Variants in BABAM2 observed in about 807,000 individuals in gnomAD.
The protein encoded by BABAM2 is BRISC and BRCA1 A complex member 2, also known as BRISC and BRCA1-A complex member 2.
BABAM2 carries 31 observed loss-of-function variants against 54.7 expected under a neutral mutation model. That is an observed-to-expected ratio of 0.57 (90% CI 0.43 to 0.77). The LOEUF (loss-of-function observed/expected upper bound fraction) is 0.77. BABAM2 is among the 30% of genes least tolerant of loss of function. The pLI is 0.00. For missense variants in BABAM2, 364 were observed against 455.8 expected, an observed-to-expected ratio of 0.80 and a Z score of 1.83; for synonymous variants, 167 against 162.9, an observed-to-expected ratio of 1.03 and a Z score of -0.19.
intron 10 of BABAM2, among the ~76,000 whole-genome samples, chr2:28,260,069 T>C (rs1056228632): frequency 1.3e-5 from 2 of 151,884 alleles, no homozygotes; most frequent in Non-Finnish European, 2.9e-5. Flanking sequence ...CCTGGCTAAT[T>C]TTTGTATTTT....
chr2:28,188,178 G>T (rs1280191952), intron 7 of BABAM2, among the ~76,000 whole-genome samples: 1 of 152,018 alleles, frequency 6.6e-6, no homozygotes, highest in East Asian at 1.9e-4. Flanking sequence ...GCTCTAGAAG[G>T]CTCCCATGCC....
intron 6 of BABAM2, among the ~76,000 whole-genome samples, chr2:28,117,748 G>A (rs1364767743): frequency 6.6e-6 from 1 of 152,182 alleles, no homozygotes. Context: ...CCAGGTATTA[G>A]GACAGGAAGC....
intron 7 of BABAM2, among the ~76,000 whole-genome samples, chr2:28,216,220 A>G (rs1052175781): frequency 6.6e-6 from 1 of 152,138 alleles, no homozygotes; most frequent in East Asian, 1.9e-4. Context: ...CTCAGTGCAA[A>G]TGTACAGTAT....
chr2:28,218,433 G>A (rs1427347536), intron 7 of BABAM2, among the ~76,000 whole-genome samples: 1 of 152,186 alleles, frequency 6.6e-6, no homozygotes, highest in Admixed American at 6.5e-5. Flanking sequence ...ATCCGGAACA[G>A]TTTCTTAATC....
chr2:28,225,355 C>A (rs1266254249), intron 7 of BABAM2, among the ~76,000 whole-genome samples: 1 of 152,180 alleles, frequency 6.6e-6, no homozygotes, highest in Non-Finnish European at 1.5e-5. Context: ...ACGGTTAACA[C>A]CAGCCAGCCC....
chr2:28,279,276 T>G (rs1411171959), intron 10 of BABAM2, among the ~76,000 whole-genome samples: 1 of 152,162 alleles, frequency 6.6e-6, no homozygotes, highest in African/African-American at 2.4e-5. Context: ...AGAGTTACCC[T>G]TGGACCTGAG....
chr2:28,086,598 A>G (rs1665661648), intron 6 of BABAM2, among the ~76,000 whole-genome samples: 3 of 152,206 alleles, frequency 2.0e-5, no homozygotes, highest in Non-Finnish European at 2.9e-5. Flanking sequence ...AGGAAGGAGA[A>G]TATTGAAATA....
At chr2:28,077,261 A>G (rs1664771104) in intron 6 of BABAM2, among the ~76,000 whole-genome samples, 1 of 152,260 alleles carries the variant, frequency 6.6e-6, no homozygotes, top group South Asian at 2.1e-4. Context: ...GCATATTTAA[A>G]TTAAGTTTTT....
chr2:28,047,809 A>G (rs898472660), intron 6 of BABAM2, among the ~76,000 whole-genome samples: 6 of 152,242 alleles, frequency 3.9e-5, no homozygotes, highest in African/African-American at 1.2e-4. Flanking sequence ...GAGTAAAACA[A>G]CAATGACCAA....
intron 6 of BABAM2, among the ~76,000 whole-genome samples, chr2:28,112,359 C>A (rs1235381466): frequency 6.6e-6 from 1 of 151,392 alleles, no homozygotes; most frequent in East Asian, 1.9e-4. Context: ...CCTCCCCTAG[C>A]CCCCTACCCC....
chr2:28,283,015 A>G (rs1686501698), intron 10 of BABAM2, among the ~76,000 whole-genome samples: 1 of 76,230 alleles, frequency 1.3e-5, no homozygotes, highest in Admixed American at 1.3e-4. Context: ...AAAAAAAAAA[A>G]AAAGGAATGA....
chr2:27,973,543 C>G (rs1436736042), intron 3 of BABAM2, among the ~76,000 whole-genome samples: 1 of 151,844 alleles, frequency 6.6e-6, no homozygotes, highest in East Asian at 1.9e-4. Context: ...GGTTTCTTCT[C>G]CAGATTGACA....
At chr2:28,173,255 T>C (rs573696746) in intron 7 of BABAM2, among the ~76,000 whole-genome samples, 251 of 152,350 alleles carry the variant, frequency 1.6e-3, no homozygotes, top group Non-Finnish European at 3.0e-3. Flanking sequence ...CATTTACTTC[T>C]GATAAGACTC....
chr2:28,303,289 A>T (rs182603487), intron 11 of BABAM2, among the ~76,000 whole-genome samples: 91 of 152,334 alleles, frequency 6.0e-4, no homozygotes, highest in African/African-American at 2.1e-3. Context: ...TGAAGAAATT[A>T]TCCTATGTTT....
intron 3 of BABAM2, among the ~76,000 whole-genome samples, chr2:27,976,072 C>T (rs982694284): frequency 1.3e-5 from 2 of 152,000 alleles, no homozygotes; most frequent in African/African-American, 4.8e-5. Context: ...AATGTTGGCA[C>T]GAATGTGTAG....
At chr2:28,084,931 T>G (rs1665509287) in intron 6 of BABAM2, among the ~76,000 whole-genome samples, 1 of 152,220 alleles carries the variant, frequency 6.6e-6, no homozygotes, top group African/African-American at 2.4e-5. Flanking sequence ...AGCGTCATTT[T>G]ACTTAGTGAA....
In BABAM2 at chr2:27,894,643, G is replaced by A. The variant is rs1337273450; in HGVS notation, c.87G>A (p.Leu29=). ...SSVVRNGKVG[L]DATNCLRITD... ...TGGTCCGGAATGGAAAAGTGGGACT[G>A]GATGCTACAAACTGTTTGAGGATAA... The change falls in exon 2 of 12, where the codon CTG becomes CTA. Residue 29 remains leucine (L), a synonymous_variant. Coordinates refer to ENST00000379624, the MANE Select transcript of BABAM2 (RefSeq NM_199191.3). 3.1e-6 allele frequency: 5 copies of A among 1,614,146 alleles called. No homozygotes were observed. Among genetic ancestry groups the A allele is most frequent in the Non-Finnish European group, 4.2e-6 (5 of 1,180,022 alleles).
intron 2 of BABAM2, among the ~76,000 whole-genome samples, chr2:27,918,015 A>C (rs1290481667): frequency 2.0e-5 from 3 of 152,228 alleles, no homozygotes; most frequent in African/African-American, 7.2e-5. Flanking sequence ...TTGTACCAAC[A>C]TGAGTATTTT....
At chr2:28,204,939 G>C (rs867157085) in intron 7 of BABAM2, among the ~76,000 whole-genome samples, 3 of 150,958 alleles carry the variant, frequency 2.0e-5, no homozygotes, top group African/African-American at 7.3e-5. Context: ...AGTTGACAGT[G>C]TCACTTTCAG....
Sources: allele counts gnomAD v4.1 joint callset (sites outside exome capture counted in the v4.1 genomes callset), GRCh38; gene constraint gnomAD v4.1.1; transcripts MANE v1.5; gene names NCBI Gene and HGNC (gene_info 2026-07-23, HGNC 2026-07-21).